The following CEP164 variants were observed in gnomAD, a reference collection of about 807,000 sequenced individuals.
The protein encoded by CEP164 is centrosomal protein 164, also known as centrosomal protein of 164 kDa.
CEP164 carries 162 observed loss-of-function variants against 182.7 expected under a neutral mutation model. The observed-to-expected ratio is 0.89, with a 90% confidence interval of 0.78 to 1.01. The LOEUF (loss-of-function observed/expected upper bound fraction) is 1.01, where lower values mean the gene tolerates loss of function less well. Among genes scored for constraint, CEP164 ranks in the 50% least tolerant of loss-of-function variants. The probability of loss-of-function intolerance (pLI) is 0.00; values close to 1 mark genes in which losing one functional copy is unlikely to be tolerated. For missense variants in CEP164, 1,735 were observed against 1,790.4 expected, an observed-to-expected ratio of 0.97 and a Z score of 0.56; for synonymous variants, 661 against 690.0, an observed-to-expected ratio of 0.96 and a Z score of 0.66.
intron 14 of CEP164, chr11:117,385,862 A>G (rs908237734): frequency 6.6e-6 from 1 of 152,180 alleles, no homozygotes; most frequent in Non-Finnish European, 1.5e-5. Context: ...AGGAAAGGGG[A>G]AACGAAAGGT....
Position 117,407,929 on chromosome 11 carries a change from C to G in CEP164, c.3506C>G (p.Thr1169Ser). 6.3e-7 allele frequency: 1 copy of G among 1,589,528 alleles called. No individual in the cohort carries two copies. Among genetic ancestry groups the G allele is most frequent in the Non-Finnish European group, 8.6e-7 (1 of 1,167,640 alleles). ...CTGTTTTCTCCTTGGCTGCAGGAGA[C>G]CAGGCACCTGGATGAGATGAAGTCG... ...EDMRKNLEKE[T>S]RHLDEMKSAM... The change falls in exon 28 of 33, where the codon ACC (threonine) becomes AGC (serine). Residue 1169 changes from threonine to serine, a missense_variant. Coordinates refer to ENST00000278935, the MANE Select transcript of CEP164 (RefSeq NM_014956.5).
chr11:117,382,053 A>C (rs2043376256), intron 13 of CEP164, among the ~76,000 whole-genome samples, 185 bp downstream of exon 13: 2 of 152,038 alleles, frequency 1.3e-5, no homozygotes, highest in African/African-American at 4.8e-5. Flanking sequence ...GTCCCATGGG[A>C]TCTGGATATG....
intron 11 of CEP164, among the ~76,000 whole-genome samples, chr11:117,380,186 T>G (rs1015479289): frequency 6.6e-6 from 1 of 152,168 alleles, no homozygotes; most frequent in African/African-American, 2.4e-5. Context: ...GCCCTCGTAA[T>G]TTCAGCACGC....
upstream of CEP164, among the ~76,000 whole-genome samples, chr11:117,323,620 G>A (rs1282336617): frequency 2.6e-5 from 4 of 152,120 alleles, no homozygotes; most frequent in Admixed American, 6.6e-5. Context: ...TGAGTAGTGG[G>A]ATTGCTGGAT....
chr11:117,362,505 C>T lies in CEP164; in HGVS notation c.654C>T (p.Thr218=). 6.2e-7 allele frequency: 1 copy of T among 1,613,642 alleles called. No homozygotes were observed. The highest frequency in any genetic ancestry group is 1.7e-4 in the Middle Eastern group (1 of 5,792). Residue 218 remains threonine, a synonymous_variant, in exon 7 of 33, where the codon ACC becomes ACT. Coordinates refer to ENST00000278935, the MANE Select transcript of CEP164 (RefSeq NM_014956.5). ...ALSLLGLGEE[T]NEEDEEESDN... Reference sequence around the variant, plus strand: ...GCCTCTTGGGTTTAGGAGAAGAAACCAATGAGGAGGATGAGGAGGAAAGTG... The same window carrying T: ...GCCTCTTGGGTTTAGGAGAAGAAACTAATGAGGAGGATGAGGAGGAAAGTG...
Position 117,394,259 on chromosome 11 carries a change from T to TAGTA in CEP164, c.2617-91_2617-90insAGTA, listed in dbSNP as rs1181805344. ...GAGCCGATGGTGTCCCTGATCTTAC[T>TAGTA]GATGCAAGGCTGCAGGGCTAGGGGA... On this transcript the variant is annotated intron_variant, in intron 20 of 32. Coordinates refer to ENST00000278935, the MANE Select transcript of CEP164 (RefSeq NM_014956.5). This position sits in a 1 kb window ranked among gnomAD's most constrained non-coding sequence, Gnocchi z 4.0. The TAGTA allele has an allele frequency of 6.6e-7, 1 of 1,503,812 alleles. No homozygotes were observed. Among genetic ancestry groups the TAGTA allele is most frequent in the African/African-American group, 1.4e-5 (1 of 71,854 alleles). The allele number at this position is 1,503,812 out of a possible 1,614,324, so 93.2% of individuals were successfully genotyped here. A position where few individuals can be genotyped will look rare whatever the true frequency, so the allele number is the denominator to read the frequency against.
intron 3 of CEP164, among the ~76,000 whole-genome samples, chr11:117,339,045 C>T (rs773909336): frequency 1.3e-5 from 2 of 152,072 alleles, no homozygotes; most frequent in South Asian, 4.1e-4. Context: ...CTCGAACTCC[C>T]GACCTCAAGC....
At chr11:117,392,461 G>GTCA in intron 18 of CEP164, 35 bp from the exon 19 acceptor site, 1 of 1,603,472 alleles carries the variant, frequency 6.2e-7, no homozygotes, top group African/African-American at 1.3e-5. Context: ...CTGTCTGAGG[G>GTCA]TCACACTCCC....
intron 8 of CEP164, 114 bp from the exon 9 acceptor site, chr11:117,370,966 C>A: frequency 8.9e-7 from 1 of 1,122,424 alleles, no homozygotes; most frequent in Non-Finnish European, 1.3e-6. Flanking sequence ...TGGGGCAGAA[C>A]TCAGGCACTG....
At chr11:117,342,454 T>C (rs1232987222) in intron 3 of CEP164, among the ~76,000 whole-genome samples, 2 of 152,024 alleles carry the variant, frequency 1.3e-5, no homozygotes, top group African/African-American at 4.8e-5. Flanking sequence ...GGTTATGTCA[T>C]TTATCTTTTT....
intron 11 of CEP164, 54 bp from the exon 12 acceptor site, chr11:117,380,556 TGGAG>T (rs2043207173): frequency 5.7e-6 from 8 of 1,415,756 alleles, no homozygotes; most frequent in Non-Finnish European, 7.8e-6. Flanking sequence ...AGCAGGAGGA[TGGAG>T]GGACCCAAAT....
At chr11:117,325,218 G>A (rs2134530726), upstream of CEP164, among the ~76,000 whole-genome samples, 1 of 152,164 alleles carries the variant, frequency 6.6e-6, no homozygotes, top group East Asian at 1.9e-4. Flanking sequence ...CCAAGTAGCT[G>A]GGACTACAGG....
chr11:117,368,412 T>C (rs1345923160), intron 8 of CEP164, among the ~76,000 whole-genome samples: 2 of 152,172 alleles, frequency 1.3e-5, no homozygotes, highest in East Asian at 3.8e-4. Context: ...AGCTGGGCCT[T>C]AAGGGCTGTG....
At chr11:117,373,357 A>G (rs1320506655) in intron 9 of CEP164, among the ~76,000 whole-genome samples, 1 of 151,444 alleles carries the variant, frequency 6.6e-6, no homozygotes, top group Non-Finnish European at 1.5e-5. Context: ...GCGAGACTCC[A>G]TCTCGGAAAA....
intron 27 of CEP164, among the ~76,000 whole-genome samples, chr11:117,403,786 T>G (rs2046396508): frequency 6.6e-6 from 1 of 152,184 alleles, no homozygotes; most frequent in Admixed American, 6.5e-5. Context: ...CACTTTTAGG[T>G]ACACCAATCA....
intron 11 of CEP164, among the ~76,000 whole-genome samples, chr11:117,379,367 C>G (rs536712974): frequency 6.6e-6 from 1 of 152,296 alleles, no homozygotes; most frequent in South Asian, 2.1e-4. Context: ...GCTGTGGGCA[C>G]AGGGCTGGGG....
In CEP164 at chr11:117,392,506, G is replaced by A. The variant is rs1370275281; in HGVS notation, c.2372G>A (p.Ser791Asn). ...CGGGGGCCTCCTCAGGTGGTCTCCA[G>A]CCTCCAGAAGAAGATACAGGAAGCT... The part of the protein sequence containing the change: ...LEAKHREVVS[S>N]LQKKIQEAQQ... The change falls in exon 19 of 33, where the codon AGC (serine) becomes AAC (asparagine). Residue 791 changes from serine to asparagine, a missense_variant. Coordinates refer to ENST00000278935, the MANE Select transcript of CEP164 (RefSeq NM_014956.5). The A allele has an allele frequency of 6.2e-7, 1 of 1,613,948 alleles. No individual in the cohort carries two copies. Among genetic ancestry groups the A allele is most frequent in the Admixed American group, 1.7e-5 (1 of 60,012 alleles).
At position 117,337,722 on chromosome 11, in the gene CEP164, G is replaced by A. The variant is rs57025779; in HGVS notation, c.-21-844G>A. Among the ~76,000 whole-genome samples, 335 of 152,160 alleles carry A rather than the reference G, an allele frequency of 2.2e-3. 1 individual carries two copies. The highest frequency in any genetic ancestry group is 7.7e-3 in the African/African-American group (318 of 41,488). ...TCCTCAGGTGGTTTTCCTGACACCA[G>A]TCTCTCATTTCTCCAATCCAGCCAT... On this transcript the variant is annotated intron_variant, in intron 2 of 32. Transcript: ENST00000278935.
chr11:117,351,034 T>G (rs535078598), intron 4 of CEP164, among the ~76,000 whole-genome samples: 178 of 152,330 alleles, frequency 1.2e-3, no homozygotes, highest in African/African-American at 4.1e-3. Context: ...TACTTCTTTT[T>G]TTTGTTTGTT....
Sources: allele counts gnomAD v4.1 joint callset (sites outside exome capture counted in the v4.1 genomes callset), GRCh38; gene constraint gnomAD v4.1.1; non-coding constraint Gnocchi (gnomAD v3.1); transcripts MANE v1.5; gene names NCBI Gene and HGNC (gene_info 2026-07-23, HGNC 2026-07-21).